CAMKK2: variants seen among roughly 807,000 people sequenced by gnomAD.
CAMKK2 encodes calcium/calmodulin dependent protein kinase kinase 2.
A neutral mutation model predicts 67.2 loss-of-function variants in CAMKK2; 30 were observed. The ratio of observed to expected loss-of-function variants is 0.45; its 90% CI spans 0.33 to 0.61. CAMKK2 has a LOEUF of 0.61. CAMKK2 is among the 20% of genes least tolerant of loss of function. CAMKK2 has a pLI of 0.02. For missense variants in CAMKK2, 643 were observed against 802.0 expected (o/e 0.80, Z 2.39); for synonymous variants, 322 against 326.2 (o/e 0.99, Z 0.14).
In CAMKK2 at chr12:121,274,804, T is replaced by C. The variant is rs11065517; in HGVS notation, c.-59-219A>G. 8.3e-5 allele frequency among the ~76,000 whole-genome samples: 10 copies of C among 119,914 alleles called. No individual in the cohort carries two copies. In the South Asian group the frequency reaches 9.8e-4, roughly 12 times the overall value. 78.7% of individuals were successfully genotyped at this position (119,914 alleles called of 152,430 possible). ...TCTTTTATTATTTTTTCTTTTTTTTTCTTTTTTTTTTTTTTGAGACAAGGT... is the reference window on the plus strand; with the variant it reads ...TCTTTTATTATTTTTTCTTTTTTTTCCTTTTTTTTTTTTTTGAGACAAGGT... On this transcript the variant is annotated intron_variant, in intron 1 of 16. Coordinates refer to ENST00000404169, the MANE Select transcript of CAMKK2 (RefSeq NM_001270485.2).
intron 1 of CAMKK2, among the ~76,000 whole-genome samples, chr12:121,292,158 C>G (rs1240771386): frequency 6.6e-6 from 1 of 151,222 alleles, no homozygotes; most frequent in African/African-American, 2.4e-5. Flanking sequence ...AGGAGTCTTG[C>G]TTTGTCGCCC....
intron 5 of CAMKK2, among the ~76,000 whole-genome samples, chr12:121,264,766 T>G (rs906269807): frequency 7.5e-6 from 1 of 133,084 alleles, no homozygotes; most frequent in African/African-American, 3.1e-5. Flanking sequence ...ACAGCAAGAC[T>G]CAGTCTCAAA....
intron 2 of CAMKK2, among the ~76,000 whole-genome samples, chr12:121,273,190 C>T (rs34178048): frequency 0.049 from 7,386 of 152,004 alleles, 568 homozygotes; most frequent in African/African-American, 0.17. Flanking sequence ...GATGGTGGCC[C>T]GGGAAGCCTT....
intron 5 of CAMKK2, among the ~76,000 whole-genome samples, chr12:121,264,821 A>T (rs2136336204): frequency 6.9e-6 from 1 of 144,946 alleles, no homozygotes; most frequent in South Asian, 2.2e-4. Context: ...ATCACAAAAA[A>T]TTAGTCAGGT....
At chr12:121,293,254 G>A (rs1255458955) in intron 1 of CAMKK2, among the ~76,000 whole-genome samples, 1 of 152,134 alleles carries the variant, frequency 6.6e-6, no homozygotes, top group Non-Finnish European at 1.5e-5. Flanking sequence ...TCTGGCTCGG[G>A]CAACAAGAGG....
At chr12:121,282,564 G>C (rs1745504865) in intron 1 of CAMKK2, among the ~76,000 whole-genome samples, 1 of 152,078 alleles carries the variant, frequency 6.6e-6, no homozygotes, top group South Asian at 2.1e-4. Context: ...AGGCCACACG[G>C]AGATGGAGGC....
intron 5 of CAMKK2, among the ~76,000 whole-genome samples, chr12:121,266,080 C>T (rs1259669623): frequency 6.6e-6 from 1 of 152,088 alleles, no homozygotes; most frequent in Non-Finnish European, 1.5e-5. Flanking sequence ...TACAGGTGCA[C>T]ACCACCATGC....
At chr12:121,271,489 T>G (rs1895776558) in intron 2 of CAMKK2, among the ~76,000 whole-genome samples, 1 of 132,188 alleles carries the variant, frequency 7.6e-6, no homozygotes. Context: ...TGGACTCTTG[T>G]AAAACCCATT....
At chr12:121,250,863 A>G (rs750761208) in intron 11 of CAMKK2, among the ~76,000 whole-genome samples, 2 of 152,258 alleles carry the variant, frequency 1.3e-5, no homozygotes, top group Non-Finnish European at 2.9e-5. Context: ...CAGAAATAAT[A>G]AGTAGTATTC....
Position 121,244,596 on chromosome 12 carries a change from A to T in CAMKK2, c.1573T>A (p.Cys525Ser). 1 of 1,565,212 alleles carries T rather than the reference A, an allele frequency of 6.4e-7. No individual in the cohort carries two copies. Among genetic ancestry groups the T allele is most frequent in the East Asian group, 2.4e-5 (1 of 42,402 alleles). Reference sequence around the variant, plus strand: ...ACCTTGAGCTCAGACAGGGACTCACATTCCCTGGTTGGTTTTTTGCTGGAA... The same window carrying T: ...ACCTTGAGCTCAGACAGGGACTCACTTTCCCTGGTTGGTTTTTTGCTGGAA... ...NLLTKKPTRE[C>S]ESLSELKEAR... The change falls in exon 16 of 17, where the codon TGT (cysteine) becomes AGT (serine). Residue 525 changes from cysteine (C) to serine (S), a missense_variant. By Grantham distance (112) the Cys-to-Ser change is moderately radical. Transcript: ENST00000404169.
rs1623558 is a variant in CAMKK2 at position 121,285,798 on chromosome 12, C to T, written c.-60+10840G>A. Among the ~76,000 whole-genome samples the T allele has an allele frequency of 0.93, 141,227 of 152,214 alleles. 65,740 individuals are homozygous for T. The highest frequency in any genetic ancestry group is 1 in the East Asian group (5,177 of 5,178). On this transcript the variant is annotated intron_variant, in intron 1 of 16. Transcript: ENST00000404169. This position sits in a 1 kb window ranked among gnomAD's most constrained non-coding sequence, Gnocchi z 4.1. ...CCGCACTCTAGCCTGGGTGACAGAGCGAGACCCTGTCTCAAAAAAGAGAGT... is the reference window on the plus strand; with the variant it reads ...CCGCACTCTAGCCTGGGTGACAGAGTGAGACCCTGTCTCAAAAAAGAGAGT...
At chr12:121,282,971 T>C (rs1008448358) in intron 1 of CAMKK2, among the ~76,000 whole-genome samples, 1 of 152,120 alleles carries the variant, frequency 6.6e-6, no homozygotes, top group Non-Finnish European at 1.5e-5. Context: ...GTCAGGCTGG[T>C]CTCAAACTAC....
chr12:121,271,924 G>T (rs1177600599), intron 2 of CAMKK2, among the ~76,000 whole-genome samples: 1 of 152,110 alleles, frequency 6.6e-6, no homozygotes, highest in Non-Finnish European at 1.5e-5. Flanking sequence ...TGGCCAGGCT[G>T]GTCTCTAACT....
At chr12:121,287,254 G>A (rs1029656486) in intron 1 of CAMKK2, among the ~76,000 whole-genome samples, 1 of 152,084 alleles carries the variant, frequency 6.6e-6, no homozygotes, top group Admixed American at 6.6e-5. Flanking sequence ...TAATCCTGCC[G>A]TGCTAACTCT....
intron 6 of CAMKK2, among the ~76,000 whole-genome samples, chr12:121,262,499 G>A (rs1378641195): frequency 3.3e-5 from 5 of 150,674 alleles, no homozygotes; most frequent in African/African-American, 1.2e-4. Context: ...GCAACAGAGT[G>A]AGACTCCGTC....
At chr12:121,294,378 G>T (rs919675156) in intron 1 of CAMKK2, among the ~76,000 whole-genome samples, 1 of 152,176 alleles carries the variant, frequency 6.6e-6, no homozygotes, top group Non-Finnish European at 1.5e-5. Context: ...CCAAATCCCT[G>T]CCAGGAGGGT....
chr12:121,240,583 C>G lies in CAMKK2; in HGVS notation c.*116G>C. 6.5e-7 allele frequency: 1 copy of G among 1,530,960 alleles called. No individual in the cohort carries two copies. Among genetic ancestry groups the G allele is most frequent in the Non-Finnish European group, 8.7e-7 (1 of 1,145,758 alleles). The allele number at this position is 1,530,960 out of a possible 1,614,324, so 94.8% of individuals were successfully genotyped here. A position where few individuals can be genotyped will look rare whatever the true frequency, so the allele number is the denominator to read the frequency against. On this transcript the variant is annotated 3_prime_UTR_variant, in exon 17 of 17. Transcript: ENST00000404169. The surrounding 1 kb of genome is among the most constrained non-coding windows in gnomAD (Gnocchi z 4.4). ...GGAAAAAACAAATAACCAGAGATGACGATCGAGGCTCTACACACGTGCTGG... is the reference window on the plus strand; with the variant it reads ...GGAAAAAACAAATAACCAGAGATGAGGATCGAGGCTCTACACACGTGCTGG...
In CAMKK2 at chr12:121,244,553, C is replaced by G; in HGVS notation, c.1596+20G>C. On this transcript the variant is annotated intron_variant, in intron 16 of 16. Transcript: ENST00000404169. ...CCTCAGGCCCCAGCAGAGGCTACGGCACAGGCAGGCGGGCGTTACCTTGAG... is the reference window on the plus strand; with the variant it reads ...CCTCAGGCCCCAGCAGAGGCTACGGGACAGGCAGGCGGGCGTTACCTTGAG... 6.4e-7 allele frequency: 1 copy of G among 1,557,306 alleles called. No homozygotes were observed. Among genetic ancestry groups the G allele is most frequent in the African/African-American group, 1.4e-5 (1 of 73,672 alleles).
chr12:121,277,334 A>G (rs1049698974), intron 1 of CAMKK2, among the ~76,000 whole-genome samples: 1 of 152,226 alleles, frequency 6.6e-6, no homozygotes. Flanking sequence ...TGGCTCCCCA[A>G]AAAGTTAAAC....
Sources: gnomAD v4.1 joint callset for allele counts (sites outside exome capture counted in the v4.1 genomes callset) on GRCh38, gnomAD v4.1.1 for gene constraint, Gnocchi (gnomAD v3.1) non-coding constraint, MANE v1.5 for transcripts, NCBI Gene and HGNC (gene_info 2026-07-23, HGNC 2026-07-21) for gene names.